The following PXDNL variants were observed in gnomAD, a reference collection of about 807,000 sequenced individuals.
PXDNL encodes peroxidasin like, also known as probable oxidoreductase PXDNL.
In PXDNL, 145 loss-of-function variants were observed where a neutral mutation model predicts 150.8. The observed-to-expected ratio is 0.96, with a 90% confidence interval of 0.84 to 1.10. The LOEUF (loss-of-function observed/expected upper bound fraction) is 1.10. Among genes scored for constraint, PXDNL ranks in the 50% least tolerant of loss-of-function variants. The pLI, the probability that PXDNL is intolerant of heterozygous loss-of-function variation, is 0.00. For missense variants in PXDNL, 2,087 were observed against 1,873.9 expected (o/e 1.11, Z -2.10); for synonymous variants, 757 against 725.7 (o/e 1.04, Z -0.69).
At chr8:51,398,995 GATATA>G (rs984578765) in intron 17 of PXDNL, among the ~76,000 whole-genome samples, 2 of 152,094 alleles carry the variant, frequency 1.3e-5, no homozygotes, top group African/African-American at 4.8e-5. Flanking sequence ...AATTTCACTT[GATATA>G]TATAAGAGGA....
At chr8:51,792,173 G>A (rs1000328630) in intron 1 of PXDNL, among the ~76,000 whole-genome samples, 2 of 151,990 alleles carry the variant, frequency 1.3e-5, no homozygotes, top group Non-Finnish European at 2.9e-5. Flanking sequence ...TGCGGTCAGA[G>A]GCGCCCACTG....
At chr8:51,552,496 C>T (rs1456378726) in intron 4 of PXDNL, among the ~76,000 whole-genome samples, 1 of 152,148 alleles carries the variant, frequency 6.6e-6, no homozygotes, top group East Asian at 1.9e-4. Flanking sequence ...AAATACTACT[C>T]AGCCATAAAA....
chr8:51,649,785 T>C (rs955882007), intron 2 of PXDNL, among the ~76,000 whole-genome samples: 2 of 152,158 alleles, frequency 1.3e-5, no homozygotes, highest in African/African-American at 4.8e-5. Context: ...TGATCTGTTT[T>C]GCAGATGAAA....
At chr8:51,769,508 G>T (rs1554514446) in intron 1 of PXDNL, among the ~76,000 whole-genome samples, 1 of 152,128 alleles carries the variant, frequency 6.6e-6, no homozygotes, top group Non-Finnish European at 1.5e-5. Context: ...CATGATATTT[G>T]GTAGTTGAAG....
At chr8:51,644,406 A>ATATGTGTATATATATACATATG (rs764867335) in intron 2 of PXDNL, among the ~76,000 whole-genome samples, 1 of 23,346 alleles carries the variant, frequency 4.3e-5, no homozygotes, top group African/African-American at 7.6e-5. Flanking sequence ...ATATATACAC[A>ATATGTGTATATATATACATATG]TGTGTGTGTA....
intron 5 of PXDNL, among the ~76,000 whole-genome samples, chr8:51,498,061 G>T (rs2130277198): frequency 6.6e-6 from 1 of 152,132 alleles, no homozygotes; most frequent in African/African-American, 2.4e-5. Context: ...ACTGGATTAA[G>T]AAAATATGGC....
At chr8:51,498,054 G>T (rs1358238708) in intron 5 of PXDNL, among the ~76,000 whole-genome samples, 1 of 151,984 alleles carries the variant, frequency 6.6e-6, no homozygotes, top group Non-Finnish European at 1.5e-5. Flanking sequence ...ATGATAGACT[G>T]GATTAAGAAA....
intron 1 of PXDNL, among the ~76,000 whole-genome samples, chr8:51,660,381 G>A (rs776658338): frequency 2.8e-4 from 43 of 152,284 alleles, no homozygotes; most frequent in South Asian, 4.1e-4. Flanking sequence ...CATCCAGTGA[G>A]GTGGGGCCTC....
intron 4 of PXDNL, among the ~76,000 whole-genome samples, chr8:51,523,743 T>A (rs998510660): frequency 6.6e-6 from 1 of 152,218 alleles, no homozygotes; most frequent in African/African-American, 2.4e-5. Context: ...TTGGCAAGCA[T>A]GATCTTCCCC....
intron 20 of PXDNL, among the ~76,000 whole-genome samples, chr8:51,343,648 G>A (rs577729204): frequency 1.3e-5 from 2 of 152,266 alleles, no homozygotes; most frequent in African/African-American, 4.8e-5. Context: ...TGTGGCTGTA[G>A]AAAAGGACAG....
At chr8:51,808,166 A>T (rs1362435590) in intron 1 of PXDNL, among the ~76,000 whole-genome samples, 1 of 152,176 alleles carries the variant, frequency 6.6e-6, no homozygotes, top group African/African-American at 2.4e-5. Context: ...TGATCCTCTT[A>T]AACATTTATA....
chr8:51,329,884 A>G lies in PXDNL; in HGVS notation c.4147-8987T>C, dbSNP rs989332174. On this transcript the variant is annotated intron_variant, in intron 21 of 22. Coordinates refer to ENST00000356297, the MANE Select transcript of PXDNL (RefSeq NM_144651.5). ...TTTATGGAGATTGAGAAGGGCCACA[A>G]TCTTCTGTCTGCAAGCTGGAGACCC... 1.3e-4 allele frequency among the ~76,000 whole-genome samples: 20 copies of G among 152,180 alleles called. 1 individual carries two copies. The highest frequency in any genetic ancestry group is 1.0e-3 in the Admixed American group (16 of 15,280).
chr8:51,343,907 C>T (rs1318845814), intron 20 of PXDNL, among the ~76,000 whole-genome samples: 1 of 152,212 alleles, frequency 6.6e-6, no homozygotes, highest in East Asian at 1.9e-4. Context: ...CACTAGGACT[C>T]CAACTCCTGA....
chr8:51,778,449 T>G (rs2037378585), intron 1 of PXDNL, among the ~76,000 whole-genome samples: 2 of 152,182 alleles, frequency 1.3e-5, no homozygotes, highest in South Asian at 2.1e-4. Context: ...ACTCAACCTA[T>G]GTAATATCCT....
chr8:51,361,962 A>AG (rs1280353080), intron 19 of PXDNL, among the ~76,000 whole-genome samples: 4 of 148,458 alleles, frequency 2.7e-5, no homozygotes, highest in Non-Finnish European at 5.9e-5. Flanking sequence ...AAAAAAAAAA[A>AG]AAAGAAAAGA....
At chr8:51,701,662 T>A (rs1431629124) in intron 1 of PXDNL, among the ~76,000 whole-genome samples, 2 of 152,312 alleles carry the variant, frequency 1.3e-5, no homozygotes, top group Non-Finnish European at 2.9e-5. Context: ...AACAATTGAT[T>A]TACATTAGTG....
chr8:51,807,060 T>G (rs1035265808), intron 1 of PXDNL, among the ~76,000 whole-genome samples: 1 of 152,242 alleles, frequency 6.6e-6, no homozygotes, highest in Non-Finnish European at 1.5e-5. Flanking sequence ...ATGCATTAAT[T>G]CATTAAATCT....
intron 4 of PXDNL, among the ~76,000 whole-genome samples, chr8:51,507,611 G>T (rs1168236314): frequency 6.6e-6 from 1 of 152,214 alleles, no homozygotes; most frequent in Non-Finnish European, 1.5e-5. Context: ...CAGCAGCTAT[G>T]CAAACAAAGG....
chr8:51,719,036 C>T (rs1481118617), intron 1 of PXDNL, among the ~76,000 whole-genome samples: 2 of 151,616 alleles, frequency 1.3e-5, no homozygotes, highest in South Asian at 4.2e-4. Flanking sequence ...GGGAGGGAGG[C>T]GGGGGGCACC....
Sources: allele counts gnomAD v4.1 joint callset (sites outside exome capture counted in the v4.1 genomes callset), GRCh38; gene constraint gnomAD v4.1.1; transcripts MANE v1.5; gene names NCBI Gene and HGNC (gene_info 2026-07-23, HGNC 2026-07-21).